The following PCDH15 variants were observed in gnomAD, a reference collection of about 807,000 sequenced individuals.
The protein encoded by PCDH15 is protocadherin related 15.
Under a neutral mutation model 178.5 loss-of-function variants are expected in PCDH15, and 129 were observed. That is an observed-to-expected ratio of 0.72 (90% CI 0.63 to 0.84). PCDH15 has a LOEUF of 0.84. Ranked by LOEUF, PCDH15 falls within the 40% of genes least tolerant of loss-of-function variation. PCDH15 has a pLI of 0.00. For synonymous variants in PCDH15, 800 were observed against 732.0 expected (o/e 1.09, Z -1.50); for missense variants, 2,230 against 2,099.9 (o/e 1.06, Z -1.21).
At chr10:55,072,567 A>G (rs1211537769) in intron 2 of PCDH15, among the ~76,000 whole-genome samples, 1 of 152,164 alleles carries the variant, frequency 6.6e-6, no homozygotes, top group Admixed American at 6.5e-5. Context: ...GAATCTCTGA[A>G]TAGACCAATA....
At position 55,513,294 on chromosome 10, in the gene PCDH15, A is replaced by G. The variant is rs550510719; in HGVS notation, c.-156+114331T>C. On this transcript the variant is annotated intron_variant, in intron 2 of 5. Coordinates refer to the PCDH15 transcript ENST00000613346. ...TGTCCCTGCCTCATTGATGACATCAAAACTGCATTCTTGTACTCAGTTCTG... is the reference window on the plus strand; with the variant it reads ...TGTCCCTGCCTCATTGATGACATCAGAACTGCATTCTTGTACTCAGTTCTG... 2.0e-5 allele frequency: 3 copies of G among 152,220 alleles called. No homozygotes were observed. The South Asian group carries it at 6.2e-4, about 32-fold the overall frequency. The allele number at this position is 152,220 out of a possible 1,614,324, so 9.4% of individuals were successfully genotyped here. A position where few individuals can be genotyped will look rare whatever the true frequency, so the allele number is the denominator to read the frequency against.
intron 2 of PCDH15, among the ~76,000 whole-genome samples, chr10:54,543,132 C>T (rs922256671): frequency 2.6e-5 from 4 of 152,036 alleles, no homozygotes; most frequent in South Asian, 2.1e-4. Flanking sequence ...ATGGCCCACT[C>T]CAAGGGAAAA....
intron 3 of PCDH15, among the ~76,000 whole-genome samples, chr10:54,467,543 T>C (rs2077600422): frequency 6.6e-6 from 1 of 151,650 alleles, no homozygotes; most frequent in South Asian, 2.1e-4. Context: ...TTGTTTCAAT[T>C]TGATAGTATT....
At chr10:55,559,743 A>G (rs1842156866) in intron 2 of PCDH15, among the ~76,000 whole-genome samples, 1 of 151,986 alleles carries the variant, frequency 6.6e-6, no homozygotes, top group Non-Finnish European at 1.5e-5. Context: ...TGCCAGCAGA[A>G]TTCAGTCTTA....
chr10:54,542,012 A>T (rs2085292776), intron 2 of PCDH15, among the ~76,000 whole-genome samples: 1 of 152,234 alleles, frequency 6.6e-6, no homozygotes, highest in South Asian at 2.1e-4. Context: ...AACTGTATGG[A>T]TTAATTTTTG....
intron 1 of PCDH15, among the ~76,000 whole-genome samples, chr10:54,674,537 T>C (rs1384340153): frequency 1.3e-5 from 2 of 152,132 alleles, no homozygotes; most frequent in Non-Finnish European, 2.9e-5. Context: ...TTTGATTTGA[T>C]ATATATTAAG....
intron 3 of PCDH15, among the ~76,000 whole-genome samples, chr10:54,494,098 AG>A (rs1424213950): frequency 2.9e-5 from 2 of 69,008 alleles, no homozygotes; most frequent in Non-Finnish European, 5.8e-5. Flanking sequence ...GGGTAGGGGG[AG>A]GGGGGAGGGA....
rs748611625 is a variant in PCDH15 at position 53,822,824 on chromosome 10, T to TGTCA, written c.4368-2598_4368-2595dup. The TGTCA allele has an allele frequency of 6.2e-6, 10 of 1,613,908 alleles. No homozygotes were observed. The highest frequency in any genetic ancestry group is 8.5e-6 in the Non-Finnish European group (10 of 1,179,970). ...CACCTTGCCTTATTTCCTCTTTCTC[T>TGTCA]GTCAAATTTGCCTCTTCAGTTGTAA... On this transcript the variant is annotated intron_variant, in intron 32 of 37. Transcript: ENST00000644397.
intron 2 of PCDH15, among the ~76,000 whole-genome samples, chr10:55,510,264 G>C (rs55724131): frequency 1.3e-5 from 2 of 151,582 alleles, no homozygotes; most frequent in Non-Finnish European, 2.9e-5. Context: ...TTCTTCATAC[G>C]GTAGAATCAC....
chr10:53,826,876 T>A (rs2076716131), intron 32 of PCDH15, among the ~76,000 whole-genome samples: 2 of 152,112 alleles, frequency 1.3e-5, no homozygotes, highest in South Asian at 4.1e-4. Flanking sequence ...AATTTCTATA[T>A]CATATAACGT....
intron 1 of PCDH15, among the ~76,000 whole-genome samples, chr10:55,287,182 G>A (rs1271323108): frequency 1.3e-5 from 2 of 151,878 alleles, no homozygotes; most frequent in South Asian, 2.1e-4. Context: ...TGAGAAGAAG[G>A]TTCTACTCAA....
intron 22 of PCDH15, among the ~76,000 whole-genome samples, chr10:53,960,264 C>T (rs2446609): frequency 0.72 from 109,181 of 152,038 alleles, 39,493 homozygotes; most frequent in East Asian, 0.87. Context: ...ACATAAAAAG[C>T]TAATTATCTT....
Position 53,822,557 on chromosome 10 carries a change from A to G in PCDH15, c.4368-2327T>C, listed in dbSNP as rs982576655. ...CAAAAATATTTCTTTCGGTTTCAAT[A>G]GGTAACATACAAATAGGTGTCTCTC... On this transcript the variant is annotated intron_variant, in intron 32 of 37. Coordinates refer to ENST00000644397, the MANE Select transcript of PCDH15 (RefSeq NM_001384140.1). 16 of 1,613,828 alleles carry G rather than the reference A, an allele frequency of 9.9e-6. No individual in the cohort carries two copies. The highest frequency in any genetic ancestry group is 1.2e-5 in the Non-Finnish European group (14 of 1,179,954).
At chr10:55,111,823 G>C (rs964055085) in intron 2 of PCDH15, among the ~76,000 whole-genome samples, 1 of 151,964 alleles carries the variant, frequency 6.6e-6, no homozygotes, top group Admixed American at 6.6e-5. Flanking sequence ...ATTGCACTAC[G>C]GCCTGGGCAA....
chr10:54,966,682 G>A (rs1379230854), intron 2 of PCDH15, among the ~76,000 whole-genome samples: 1 of 152,078 alleles, frequency 6.6e-6, no homozygotes, highest in African/African-American at 2.4e-5. Flanking sequence ...CTGTTCTCAT[G>A]GTAGTGAATA....
At chr10:55,095,760 T>A (rs567303532) in intron 2 of PCDH15, among the ~76,000 whole-genome samples, 21 of 152,244 alleles carry the variant, frequency 1.4e-4, no homozygotes, top group Non-Finnish European at 2.6e-4. Context: ...AGGTAAAAAA[T>A]TGTGCTTTAT....
chr10:54,118,531 G>C (rs997729902), intron 15 of PCDH15, among the ~76,000 whole-genome samples: 1 of 152,006 alleles, frequency 6.6e-6, no homozygotes, highest in Admixed American at 6.6e-5. Flanking sequence ...GTGGTGGCAG[G>C]TGCCTGTAGT....
At chr10:55,371,910 T>TA (rs1397688160) in intron 2 of PCDH15, among the ~76,000 whole-genome samples, 3 of 152,120 alleles carry the variant, frequency 2.0e-5, no homozygotes, top group Non-Finnish European at 4.4e-5. Flanking sequence ...GTAAAGGTGG[T>TA]AAAAAAGTAA....
At chr10:54,059,672 G>A (rs1565151820) in intron 18 of PCDH15, among the ~76,000 whole-genome samples, 1 of 152,116 alleles carries the variant, frequency 6.6e-6, no homozygotes, top group Non-Finnish European at 1.5e-5. Flanking sequence ...TGTTTCTATT[G>A]GTGCTGATGC....
Sources: gnomAD v4.1 joint callset for allele counts (sites outside exome capture counted in the v4.1 genomes callset) on GRCh38, gnomAD v4.1.1 for gene constraint, MANE v1.5 for transcripts, NCBI Gene and HGNC (gene_info 2026-07-23, HGNC 2026-07-21) for gene names.